NTM: variants seen among roughly 807,000 people sequenced by gnomAD.
The protein encoded by NTM is IgLON family member 2.
In NTM, 13 loss-of-function variants were observed where a neutral mutation model predicts 42.1. The observed-to-expected ratio is 0.31, with a 90% CI of 0.20 to 0.49. The LOEUF is 0.49. NTM is among the 20% of genes least tolerant of loss of function. The pLI, the probability that NTM is intolerant of heterozygous loss-of-function variation, is 0.99. For missense variants in NTM, 373 were observed against 452.8 expected, an observed-to-expected ratio of 0.82 and a Z score of 1.60; for synonymous variants, 187 against 179.2, an observed-to-expected ratio of 1.04 and a Z score of -0.35.
At chr11:132,212,245 G>C (rs1178413004) in intron 4 of NTM, 98 bp downstream of exon 4, 1 of 969,162 alleles carries the variant, frequency 1.0e-6, no homozygotes, top group Non-Finnish European at 1.6e-6. Flanking sequence ...CTCCAGAGGA[G>C]TCTACGTTTT....
At chr11:131,658,736 G>A (rs186100721) in intron 1 of NTM, among the ~76,000 whole-genome samples, 27 of 152,300 alleles carry the variant, frequency 1.8e-4, no homozygotes, top group South Asian at 6.2e-4. Context: ...TTGGGAGGCC[G>A]AGGTGGGCGG....
At chr11:132,033,745 C>T (rs1246447501) in intron 2 of NTM, among the ~76,000 whole-genome samples, 1 of 152,168 alleles carries the variant, frequency 6.6e-6, no homozygotes, top group African/African-American at 2.4e-5. Context: ...GTGGTATGGT[C>T]CCTGGGATCT....
Position 132,333,550 on chromosome 11 carries a change from G to T in NTM, c.968-1496G>T, listed in dbSNP as rs190028769. ...CATTTCTGGGTTGAGATTTAAATCC[G>T]CAGGAGCTTTACAGGAGTGCTCCTT... On this transcript the variant is annotated intron_variant, in intron 8 of 8. Coordinates refer to ENST00000683400, the MANE Select transcript of NTM (RefSeq NM_001352005.2). Among the ~76,000 whole-genome samples, 3 of 152,238 alleles carry T rather than the reference G, an allele frequency of 2.0e-5. No individual in the cohort carries two copies. In the East Asian group the frequency reaches 5.8e-4, roughly 29 times the overall value.
intron 2 of NTM, among the ~76,000 whole-genome samples, chr11:131,990,450 A>G (rs2135098076): frequency 6.6e-6 from 1 of 152,082 alleles, no homozygotes; most frequent in South Asian, 2.1e-4. Context: ...CATGGGTATA[A>G]TCATGATTTT....
chr11:131,472,570 A>T (rs966879807), intron 1 of NTM, among the ~76,000 whole-genome samples: 8 of 152,116 alleles, frequency 5.3e-5, no homozygotes, highest in Non-Finnish European at 1.2e-4. Flanking sequence ...ATAATCACAA[A>T]ATACAAGTTA....
chr11:131,878,624 T>A lies in NTM; in HGVS notation c.83-32940T>A, dbSNP rs1349160825. ...ATATATATATATATATATATATATATATATATATATATATATAATGTCTTA... is the reference window on the plus strand; with the variant it reads ...ATATATATATATATATATATATATAAATATATATATATATATAATGTCTTA... On this transcript the variant is annotated intron_variant, in intron 1 of 8. Coordinates refer to ENST00000683400, the MANE Select transcript of NTM (RefSeq NM_001352005.2). 5.6e-4 allele frequency among the ~76,000 whole-genome samples: 64 copies of A among 114,256 alleles called. 2 individuals are homozygous for A. The highest frequency in any genetic ancestry group is 1.4e-3 in the African/African-American group (40 of 28,212). The allele number at this position is 114,256 out of a possible 152,430, so 75.0% of individuals were successfully genotyped here.
intron 4 of NTM, among the ~76,000 whole-genome samples, chr11:132,292,949 T>C (rs1565404509): frequency 6.6e-6 from 1 of 151,894 alleles, no homozygotes; most frequent in Non-Finnish European, 1.5e-5. Context: ...CCTTCAGAGG[T>C]GGTTCAGTTT....
chr11:132,155,543 C>T (rs991439081), intron 3 of NTM, among the ~76,000 whole-genome samples: 1 of 151,900 alleles, frequency 6.6e-6, no homozygotes, highest in Admixed American at 6.5e-5. Flanking sequence ...CCGCGGAGCT[C>T]TATTGCTCCT....
At chr11:131,448,336 A>T (rs1950223743) in intron 1 of NTM, among the ~76,000 whole-genome samples, 1 of 152,088 alleles carries the variant, frequency 6.6e-6, no homozygotes, top group South Asian at 2.1e-4. Flanking sequence ...TTCTGCCCCC[A>T]TGGACTCATC....
At chr11:131,376,248 A>T (rs1351942695) in intron 1 of NTM, among the ~76,000 whole-genome samples, 1 of 152,172 alleles carries the variant, frequency 6.6e-6, no homozygotes, top group African/African-American at 2.4e-5. Context: ...GTCTTCCATT[A>T]TTTGGTATCT....
intron 2 of NTM, among the ~76,000 whole-genome samples, chr11:132,017,411 T>C (rs533560955): frequency 6.6e-6 from 1 of 152,118 alleles, no homozygotes; most frequent in South Asian, 2.1e-4. Context: ...TGAGTTGTCT[T>C]AACACTTTTG....
At chr11:132,068,379 T>A (rs1045062564) in intron 2 of NTM, among the ~76,000 whole-genome samples, 42 of 152,150 alleles carry the variant, frequency 2.8e-4, no homozygotes, top group African/African-American at 1.0e-3. Context: ...TTAAAAGTTT[T>A]GCTTTACACT....
chr11:131,482,399 T>A (rs536399435), intron 1 of NTM, among the ~76,000 whole-genome samples: 10 of 152,208 alleles, frequency 6.6e-5, no homozygotes, highest in African/African-American at 2.4e-4. Flanking sequence ...TGCATATTCA[T>A]GGGCAAAAAT....
intron 1 of NTM, among the ~76,000 whole-genome samples, chr11:131,553,911 G>A (rs1026685758): frequency 7.2e-5 from 11 of 152,172 alleles, no homozygotes; most frequent in East Asian, 5.8e-4. Flanking sequence ...TCCCGTAAAC[G>A]TGACCACTTG....
chr11:132,019,870 G>C (rs1410810467), intron 2 of NTM, among the ~76,000 whole-genome samples: 3 of 150,490 alleles, frequency 2.0e-5, no homozygotes, highest in South Asian at 4.2e-4. Flanking sequence ...TTTTTCAGGG[G>C]GTACATGTGC....
At chr11:132,157,312 A>G (rs1286253072) in intron 3 of NTM, among the ~76,000 whole-genome samples, 1 of 152,154 alleles carries the variant, frequency 6.6e-6, no homozygotes, top group Non-Finnish European at 1.5e-5. Context: ...ATGAAGTAAC[A>G]CTCATCTTTT....
At chr11:131,796,168 C>T (rs2091533718) in intron 1 of NTM, 1 of 985,304 alleles carries the variant, frequency 1.0e-6, no homozygotes, top group Non-Finnish European at 1.2e-6. Context: ...CGAAGCCCTC[C>T]TGCAGCTGGG....
At chr11:131,968,060 G>C (rs369648639) in intron 2 of NTM, among the ~76,000 whole-genome samples, 1 of 152,150 alleles carries the variant, frequency 6.6e-6, no homozygotes, top group East Asian at 1.9e-4. Flanking sequence ...GTGCCTACAC[G>C]TGCTAGCTAG....
intron 1 of NTM, among the ~76,000 whole-genome samples, chr11:131,743,235 T>A (rs377594548): frequency 1.2e-4 from 18 of 152,096 alleles, no homozygotes; most frequent in African/African-American, 4.3e-4. Flanking sequence ...GTTAATGGTT[T>A]TTTTTTTTTC....
Sources: gnomAD v4.1 joint callset for allele counts (sites outside exome capture counted in the v4.1 genomes callset) on GRCh38, gnomAD v4.1.1 for gene constraint, MANE v1.5 for transcripts, NCBI Gene and HGNC (gene_info 2026-07-23, HGNC 2026-07-21) for gene names.